The following SUGCT variants were observed in gnomAD, a reference collection of about 807,000 sequenced individuals.
The protein encoded by SUGCT is succinyl-CoA:glutarate CoA-transferase.
A neutral mutation model predicts 55.0 loss-of-function variants in SUGCT; 41 were observed. That is an observed-to-expected ratio of 0.74 (90% CI 0.58 to 0.97). SUGCT has a LOEUF of 0.97. Among genes scored for constraint, SUGCT ranks in the 50% least tolerant of loss-of-function variants. The pLI, the probability that SUGCT is intolerant of heterozygous loss-of-function variation, is 0.00. For synonymous variants in SUGCT, 187 were observed against 200.4 expected (o/e 0.93, Z 0.56); for missense variants, 568 against 547.8 (o/e 1.04, Z -0.37).
chr7:40,178,454 T>G (rs966911326), intron 1 of SUGCT, among the ~76,000 whole-genome samples: 2 of 152,164 alleles, frequency 1.3e-5, no homozygotes, highest in African/African-American at 4.8e-5. Flanking sequence ...CCTGTGTGAC[T>G]AAAAATATAT....
At chr7:40,982,392 G>A in the SUGCT span, among the ~76,000 whole-genome samples, 3 of 152,076 alleles carry the variant, frequency 2.0e-5, no homozygotes, top group African/African-American at 4.8e-5. Flanking sequence ...GGACTTTTAG[G>A]GTTAGGGTTA....
the SUGCT span, among the ~76,000 whole-genome samples, chr7:40,872,217 C>T: frequency 2.0e-5 from 3 of 152,164 alleles, no homozygotes; most frequent in South Asian, 2.1e-4. Context: ...GGTGCCTGAC[C>T]GTCCCATCTA....
chr7:40,901,330 T>C, the SUGCT span, among the ~76,000 whole-genome samples: 1 of 152,236 alleles, frequency 6.6e-6, no homozygotes, highest in African/African-American at 2.4e-5. Context: ...GAAGATCCTT[T>C]GATCACTTCC....
At chr7:40,305,706 G>T (rs542688984) in intron 8 of SUGCT, among the ~76,000 whole-genome samples, 54 of 152,078 alleles carry the variant, frequency 3.6e-4, no homozygotes, top group Non-Finnish European at 7.1e-4. Context: ...CTGTGTCCTA[G>T]GCTGGAGTGC....
chr7:40,447,599 T>C (rs528291512), intron 9 of SUGCT, among the ~76,000 whole-genome samples: 24 of 152,266 alleles, frequency 1.6e-4, no homozygotes, highest in African/African-American at 5.3e-4. Context: ...ACATTCAAGA[T>C]ACCTTGAAAG....
At chr7:40,644,456 T>C (rs535925408) in intron 12 of SUGCT, among the ~76,000 whole-genome samples, 1 of 152,240 alleles carries the variant, frequency 6.6e-6, no homozygotes, top group Non-Finnish European at 1.5e-5. Context: ...CATTTCAGCT[T>C]TGATTCACAA....
chr7:40,963,185 A>T, the SUGCT span, among the ~76,000 whole-genome samples: 2 of 151,814 alleles, frequency 1.3e-5, no homozygotes, highest in African/African-American at 2.4e-5. Flanking sequence ...TTTCAAGAAT[A>T]TTGGTTTTTT....
At chr7:40,500,627 A>C (rs958325019) in intron 12 of SUGCT, among the ~76,000 whole-genome samples, 1 of 152,318 alleles carries the variant, frequency 6.6e-6, no homozygotes, top group South Asian at 2.1e-4. Context: ...TGAAGTCTTG[A>C]AATATTTGAT....
chr7:40,497,788 C>G (rs1279340319), intron 12 of SUGCT, among the ~76,000 whole-genome samples: 2 of 152,022 alleles, frequency 1.3e-5, no homozygotes, highest in African/African-American at 4.8e-5. Flanking sequence ...TTTCCATCAG[C>G]ATTTCTATTG....
At chr7:40,194,219 A>G (rs1786110289) in intron 5 of SUGCT, among the ~76,000 whole-genome samples, 1 of 152,212 alleles carries the variant, frequency 6.6e-6, no homozygotes, top group African/African-American at 2.4e-5. Context: ...TGTTATAATG[A>G]GGAATATTAC....
At chr7:40,142,133 G>C (rs990937242) in intron 1 of SUGCT, among the ~76,000 whole-genome samples, 1 of 152,158 alleles carries the variant, frequency 6.6e-6, no homozygotes, top group Non-Finnish European at 1.5e-5. Context: ...ACTGGAATTA[G>C]TCATGGTGGA....
intron 12 of SUGCT, among the ~76,000 whole-genome samples, chr7:40,517,197 T>A (rs1430731389): frequency 6.6e-6 from 1 of 151,764 alleles, no homozygotes; most frequent in Non-Finnish European, 1.5e-5. Flanking sequence ...CTTTCTATCA[T>A]GCTAAACTCA....
chr7:40,391,533 A>C (rs79486579), intron 9 of SUGCT, among the ~76,000 whole-genome samples: 16,758 of 152,236 alleles, frequency 0.11, 1,375 homozygotes, highest in East Asian at 0.48. Context: ...ACATGAAAAA[A>C]TGCTCAGCAT....
chr7:40,892,368 G>C, the SUGCT span, among the ~76,000 whole-genome samples: 12 of 152,060 alleles, frequency 7.9e-5, no homozygotes, highest in Admixed American at 4.6e-4. Context: ...ATACACAAAA[G>C]ATAAAGAGAC....
the SUGCT span, among the ~76,000 whole-genome samples, chr7:41,029,187 C>T: frequency 6.6e-6 from 1 of 152,172 alleles, no homozygotes; most frequent in African/African-American, 2.4e-5. Flanking sequence ...ACTCAGTCAT[C>T]TGCAGACTCC....
At chr7:40,620,810 T>C (rs1328294835) in intron 12 of SUGCT, among the ~76,000 whole-genome samples, 2 of 152,220 alleles carry the variant, frequency 1.3e-5, no homozygotes, top group African/African-American at 4.8e-5. Context: ...TAAGTGTTAA[T>C]TTATAGGACT....
At chr7:40,342,170 C>A (rs949091322) in intron 9 of SUGCT, among the ~76,000 whole-genome samples, 4 of 152,168 alleles carry the variant, frequency 2.6e-5, no homozygotes, top group African/African-American at 9.7e-5. Context: ...CCAACTCAGC[C>A]AAAGGGAGAC....
intron 6 of SUGCT, chr7:40,217,271 G>A (rs1045559310): frequency 3.7e-5 from 10 of 267,370 alleles, no homozygotes; most frequent in African/African-American, 1.4e-4. Flanking sequence ...GTGTCATGGC[G>A]CCATCTAAGA....
intron 12 of SUGCT, among the ~76,000 whole-genome samples, chr7:40,562,894 T>G (rs535964465): frequency 6.6e-6 from 1 of 152,266 alleles, no homozygotes; most frequent in East Asian, 1.9e-4. Context: ...TTGGACATGT[T>G]TAATTTGAGG....
Sources: allele counts gnomAD v4.1 joint callset (sites outside exome capture counted in the v4.1 genomes callset), GRCh38; gene constraint gnomAD v4.1.1; transcripts MANE v1.5; gene names NCBI Gene and HGNC (gene_info 2026-07-23, HGNC 2026-07-21).